Variants in LMCD1 observed in about 807,000 individuals in gnomAD.
LMCD1 encodes the protein LIM and cysteine rich domains 1, also known as LIM and cysteine-rich domains protein 1.
A neutral mutation model predicts 42.7 loss-of-function variants in LMCD1; 32 were observed. The observed-to-expected ratio is 0.75, with a 90% confidence interval of 0.57 to 1.01. The LOEUF is 1.01. LMCD1 is among the 50% of genes least tolerant of loss of function. The pLI, the probability that LMCD1 is intolerant of heterozygous loss-of-function variation, is 0.00. For missense variants in LMCD1, 458 were observed against 483.1 expected, an observed-to-expected ratio of 0.95 and a Z score of 0.49; for synonymous variants, 178 against 184.9, an observed-to-expected ratio of 0.96 and a Z score of 0.30.
chr3:8,546,150 C>CA lies in LMCD1; in HGVS notation c.388-2409dup, dbSNP rs368675496. On this transcript the variant is annotated intron_variant, in intron 3 of 5. Coordinates refer to ENST00000157600, the MANE Select transcript of LMCD1 (RefSeq NM_014583.4). Reference sequence around the variant, plus strand: ...TCTGTCTCAAAAAAACAAAACAAAACAAAAAAAAAGAGAAAGTCAGTAGCA... The same window carrying CA: ...TCTGTCTCAAAAAAACAAAACAAAACAAAAAAAAAAGAGAAAGTCAGTAGCA... Among the ~76,000 whole-genome samples, 1,168 of 150,368 alleles carry CA rather than the reference C, an allele frequency of 7.8e-3. 16 individuals are homozygous for CA. Among genetic ancestry groups the CA allele is most frequent in the African/African-American group, 0.027 (1,123 of 41,034 alleles).
At position 8,537,286 on chromosome 3, in the gene LMCD1, A is replaced by G. The variant is rs768013937; in HGVS notation, c.233A>G (p.Tyr78Cys). 4 of 1,614,048 alleles carry G rather than the reference A, an allele frequency of 2.5e-6. No homozygotes were observed. The East Asian group carries it at 6.7e-5, about 27-fold the overall frequency. ...GGCCGCTTGCTGATGGACTCCAAGT[A>G]TTCCACCCTCACTGCTCGGGTGAAA... is the stretch of plus-strand genomic sequence containing the variant. ...KIGRLLMDSK[Y>C]STLTARVKGG... Residue 78 changes from tyrosine (Y) to cysteine (C), a missense_variant, in exon 3 of 6, where the codon TAT (tyrosine) becomes TGT (cysteine). Transcript: ENST00000157600.
intron 3 of LMCD1, chr3:8,537,643 G>A (rs538007365): frequency 3.7e-6 from 2 of 540,316 alleles, no homozygotes; most frequent in Admixed American, 6.9e-5. Flanking sequence ...CCTTATCCAT[G>A]AAATGGGTAG....
chr3:8,503,783 T>TA (rs1480965094), intron 1 of LMCD1, among the ~76,000 whole-genome samples: 3 of 152,194 alleles, frequency 2.0e-5, no homozygotes, highest in Non-Finnish European at 4.4e-5. Flanking sequence ...AGTTCACGGC[T>TA]AAAGGTGGCA....
At chr3:8,531,506 A>G (rs1170994869) in intron 1 of LMCD1, among the ~76,000 whole-genome samples, 5 of 152,200 alleles carry the variant, frequency 3.3e-5, no homozygotes, top group African/African-American at 1.2e-4. Flanking sequence ...CTCGGTATCC[A>G]CTTGGCAGAT....
At chr3:8,505,251 C>G (rs1693855775) in intron 1 of LMCD1, among the ~76,000 whole-genome samples, 1 of 152,222 alleles carries the variant, frequency 6.6e-6, no homozygotes, top group South Asian at 2.1e-4. Context: ...CATTGCTCAG[C>G]TTTGACAAGC....
chr3:8,529,929 C>G (rs1673632897), intron 1 of LMCD1, among the ~76,000 whole-genome samples: 1 of 152,114 alleles, frequency 6.6e-6, no homozygotes, highest in Non-Finnish European at 1.5e-5. Context: ...TCCTGGTAAC[C>G]CTGCAAGGCA....
intron 1 of LMCD1, among the ~76,000 whole-genome samples, chr3:8,518,705 G>A (rs1387120646): frequency 6.6e-6 from 1 of 152,172 alleles, no homozygotes; most frequent in Admixed American, 6.5e-5. Context: ...TGGAGATAAA[G>A]ATGAGAGCTG....
intron 1 of LMCD1, among the ~76,000 whole-genome samples, chr3:8,528,446 T>A (rs1694342378): frequency 1.3e-5 from 2 of 152,162 alleles, no homozygotes; most frequent in African/African-American, 4.8e-5. Context: ...TCCCCCTGCC[T>A]CAGCCTCCCA....
chr3:8,549,947 G>A (rs1395415739), intron 4 of LMCD1: 3 of 1,008,252 alleles, frequency 3.0e-6, no homozygotes, highest in Non-Finnish European at 3.0e-6. Context: ...CTGAGGACCT[G>A]AGCCCTCACG....
At chr3:8,539,771 C>G (rs1694582152) in intron 3 of LMCD1, among the ~76,000 whole-genome samples, 1 of 151,080 alleles carries the variant, frequency 6.6e-6, no homozygotes, top group South Asian at 2.1e-4. Flanking sequence ...ACAACTCCCC[C>G]TTCCCACTCA....
intron 4 of LMCD1, among the ~76,000 whole-genome samples, chr3:8,560,315 C>G (rs1695010026): frequency 6.6e-6 from 1 of 152,146 alleles, no homozygotes; most frequent in Non-Finnish European, 1.5e-5. Context: ...AAGTCCCAAC[C>G]CATAACCTGG....
In LMCD1 at chr3:8,538,552, T is replaced by C. The variant is rs533214952; in HGVS notation, c.387+1112T>C. On this transcript the variant is annotated intron_variant, in intron 3 of 5. Coordinates refer to ENST00000157600, the MANE Select transcript of LMCD1 (RefSeq NM_014583.4). ...CCAACATCTCAACACCTTAAGACAC[T>C]CTGACTTCCTCCTTCCAGTGCTAGA... is the stretch of plus-strand genomic sequence containing the variant. Among the ~76,000 whole-genome samples, 3 of 152,256 alleles carry C rather than the reference T, an allele frequency of 2.0e-5. No individual in the cohort carries two copies. The East Asian group carries it at 5.8e-4, about 29-fold the overall frequency.
At chr3:8,560,890 G>A (rs1695022584) in intron 4 of LMCD1, among the ~76,000 whole-genome samples, 1 of 152,162 alleles carries the variant, frequency 6.6e-6, no homozygotes, top group African/African-American at 2.4e-5. Flanking sequence ...GCACAGTCAG[G>A]ATCCAGTTCA....
chr3:8,532,765 G>C lies in LMCD1; in HGVS notation c.71G>C (p.Arg24Thr), dbSNP rs199766095. ...KMSLGQLQSARGVACLGCKGT... is the reference protein window; with the variant it reads ...KMSLGQLQSATGVACLGCKGT... ...TCCCTGGGCCAGCTGCAGTCAGCAA[G>C]AGGTGTGGCATGTTTGGGATGCAAG... Residue 24 changes from arginine to threonine, a missense_variant, in exon 2 of 6, where the codon AGA becomes ACA. Coordinates refer to ENST00000157600, the MANE Select transcript of LMCD1 (RefSeq NM_014583.4). 1.8e-4 allele frequency: 285 copies of C among 1,613,644 alleles called. No homozygotes were observed. The highest frequency in any genetic ancestry group is 2.7e-4 in the Admixed American group (16 of 59,938).
At chr3:8,512,267 T>C (rs1393162436) in intron 1 of LMCD1, among the ~76,000 whole-genome samples, 2 of 152,224 alleles carry the variant, frequency 1.3e-5, no homozygotes, top group Non-Finnish European at 2.9e-5. Context: ...CAAAACAATT[T>C]CTTTCACACA....
intron 1 of LMCD1, among the ~76,000 whole-genome samples, chr3:8,529,954 T>C (rs541835402): frequency 1.1e-4 from 16 of 152,296 alleles, no homozygotes; most frequent in African/African-American, 3.1e-4. Flanking sequence ...GCATTCTTGT[T>C]ATCCCCATGA....
Position 8,565,474 on chromosome 3 carries a change from G to A in LMCD1, c.766G>A (p.Val256Met), listed in dbSNP as rs2125041222. 1.9e-6 allele frequency: 3 copies of A among 1,614,174 alleles called. No individual in the cohort carries two copies. Among genetic ancestry groups the A allele is most frequent in the Non-Finnish European group, 1.7e-6 (2 of 1,180,034 alleles). The change falls in exon 5 of 6, where the codon GTG becomes ATG. Residue 256 changes from valine to methionine, a missense_variant. Val to Met is a conservative substitution (Grantham distance 21). Transcript: ENST00000157600. ...GGGAGCGGCCCCTCCTGACAGCCCCGTGGTCTACTCGGACAGGGCAGGCTA... is the reference window on the plus strand; with the variant it reads ...GGGAGCGGCCCCTCCTGACAGCCCCATGGTCTACTCGGACAGGGCAGGCTA... ...CKGAAPPDSP[V>M]VYSDRAGYNK...
At chr3:8,533,270 T>A (rs1388915514) in intron 2 of LMCD1, among the ~76,000 whole-genome samples, 2 of 152,134 alleles carry the variant, frequency 1.3e-5, no homozygotes, top group Admixed American at 1.3e-4. Context: ...CCACAGTACT[T>A]AAAAACCAGG....
chr3:8,532,590 G>A lies in LMCD1; in HGVS notation c.43-147G>A, dbSNP rs373685251. The A allele has an allele frequency of 1.1e-3, 742 of 682,642 alleles. 6 individuals are homozygous for A. The highest frequency in any genetic ancestry group is 3.5e-4 in the Non-Finnish European group (132 of 379,340). 42.3% of individuals were successfully genotyped at this position (682,642 alleles called of 1,614,324 possible). On this transcript the variant is annotated intron_variant, in intron 1 of 5. Coordinates refer to ENST00000157600, the MANE Select transcript of LMCD1 (RefSeq NM_014583.4). ...TTCCTGTTTGGTCTTCTCAGTTCCC[G>A]GTAAACAGTTTGTGATGGCTTATTG... is the stretch of plus-strand genomic sequence containing the variant.
Sources: allele counts gnomAD v4.1 joint callset (sites outside exome capture counted in the v4.1 genomes callset), GRCh38; gene constraint gnomAD v4.1.1; transcripts MANE v1.5; gene names NCBI Gene and HGNC (gene_info 2026-07-23, HGNC 2026-07-21).